The following SGCZ variants were observed in gnomAD, a reference collection of about 807,000 sequenced individuals.
The protein encoded by SGCZ is sarcoglycan zeta, also known as zeta-sarcoglycan.
In SGCZ, 40 loss-of-function variants were observed where a neutral mutation model predicts 41.3. The observed-to-expected ratio is 0.97, with a 90% CI of 0.75 to 1.26. SGCZ has a LOEUF of 1.26. SGCZ is among the 50% of genes most tolerant of loss of function. The pLI is 0.00. For synonymous variants in SGCZ, 206 were observed against 137.5 expected, an observed-to-expected ratio of 1.50 and a Z score of -3.49; for missense variants, 552 against 369.8, an observed-to-expected ratio of 1.49 and a Z score of -4.04.
intron 4 of SGCZ, among the ~76,000 whole-genome samples, chr8:14,186,221 T>C (rs905166948): frequency 6.6e-6 from 1 of 152,168 alleles, no homozygotes; most frequent in African/African-American, 2.4e-5. Flanking sequence ...AAAACAACAA[T>C]TTAATGTTTC....
At chr8:14,978,022 C>T (rs1002999958) in intron 1 of SGCZ, among the ~76,000 whole-genome samples, 14 of 151,962 alleles carry the variant, frequency 9.2e-5, no homozygotes, top group African/African-American at 2.9e-4. Flanking sequence ...CTTTTGTCCT[C>T]TGTTGACCTC....
intron 1 of SGCZ, among the ~76,000 whole-genome samples, chr8:14,659,004 G>A (rs545631865): frequency 6.6e-6 from 1 of 151,940 alleles, no homozygotes; most frequent in Non-Finnish European, 1.5e-5. Context: ...TAAAGTTACT[G>A]TTAAGTACCC....
intron 1 of SGCZ, among the ~76,000 whole-genome samples, chr8:14,601,770 T>G (rs1379766006): frequency 6.6e-6 from 1 of 152,244 alleles, no homozygotes; most frequent in African/African-American, 2.4e-5. Flanking sequence ...ATTTCTTTTT[T>G]GTTCCAAGTT....
chr8:14,393,753 C>T (rs941661727), intron 2 of SGCZ, among the ~76,000 whole-genome samples: 1 of 152,142 alleles, frequency 6.6e-6, no homozygotes, highest in Admixed American at 6.6e-5. Flanking sequence ...AGGGTATACA[C>T]CCTAGACAAC....
intron 2 of SGCZ, among the ~76,000 whole-genome samples, chr8:14,341,017 A>G (rs1319991522): frequency 2.0e-5 from 3 of 152,192 alleles, no homozygotes; most frequent in South Asian, 4.1e-4. Flanking sequence ...AGCCTCAAGT[A>G]AGTGTAATCA....
intron 1 of SGCZ, among the ~76,000 whole-genome samples, chr8:14,637,370 A>T (rs991617585): frequency 6.6e-6 from 1 of 151,348 alleles, no homozygotes; most frequent in Non-Finnish European, 1.5e-5. Context: ...GGTTTGTTAC[A>T]CGAGTAAATT....
intron 2 of SGCZ, among the ~76,000 whole-genome samples, chr8:14,540,310 C>CTTTTT (rs1222567099): frequency 1.7e-5 from 2 of 116,920 alleles, no homozygotes; most frequent in African/African-American, 6.7e-5. Context: ...TGGTGTTGAC[C>CTTTTT]TTTTTTTCAT....
At chr8:15,064,081 C>T (rs1012520353) in intron 1 of SGCZ, among the ~76,000 whole-genome samples, 1 of 152,254 alleles carries the variant, frequency 6.6e-6, no homozygotes, top group East Asian at 1.9e-4. Context: ...TGCTAGTGTT[C>T]CGCAAATGTT....
intron 2 of SGCZ, among the ~76,000 whole-genome samples, chr8:14,478,449 T>G (rs1801425582): frequency 6.6e-6 from 1 of 152,196 alleles, no homozygotes; most frequent in African/African-American, 2.4e-5. Context: ...ACATACTGTA[T>G]GATTCCAACT....
chr8:14,444,174 G>A (rs1181931552), intron 2 of SGCZ, among the ~76,000 whole-genome samples: 1 of 152,138 alleles, frequency 6.6e-6, no homozygotes, highest in Non-Finnish European at 1.5e-5. Flanking sequence ...AGGTGCTGGA[G>A]AGGTTGTGGA....
At position 14,138,524 on chromosome 8, in the gene SGCZ, AAGG is replaced by A. The variant is rs777866173; in HGVS notation, c.547+26053_547+26055del. ...AGCAAAGGGAAAACAAAAAAAAAAA[AAGG>A]GGGGGTTGCATTTCTAGTCTCTGAT... On this transcript the variant is annotated intron_variant, in intron 5 of 7. Transcript: ENST00000382080. Among the ~76,000 whole-genome samples, 105 of 117,654 alleles carry A rather than the reference AAGG, an allele frequency of 8.9e-4. 1 individual carries two copies. The highest frequency in any genetic ancestry group is 4.4e-3 in the East Asian group (10 of 2,292). 77.2% of individuals were successfully genotyped at this position (117,654 alleles called of 152,430 possible). A position where few individuals can be genotyped will look rare whatever the true frequency, so the allele number is the denominator to read the frequency against.
At chr8:14,830,463 TTCTC>T (rs537320484) in intron 1 of SGCZ, among the ~76,000 whole-genome samples, 7 of 152,306 alleles carry the variant, frequency 4.6e-5, no homozygotes, top group East Asian at 1.9e-4. Context: ...TCCTCTTTCT[TTCTC>T]TCTCTTTTGC....
intron 3 of SGCZ, among the ~76,000 whole-genome samples, chr8:14,300,943 T>C (rs1277970815): frequency 6.6e-6 from 1 of 151,700 alleles, no homozygotes; most frequent in Non-Finnish European, 1.5e-5. Context: ...AAGAAGGAGG[T>C]AGAGTGAAGA....
At chr8:14,657,975 A>T (rs2117474216) in intron 1 of SGCZ, among the ~76,000 whole-genome samples, 1 of 152,340 alleles carries the variant, frequency 6.6e-6, no homozygotes, top group East Asian at 1.9e-4. Flanking sequence ...CACAAAGCCA[A>T]TGTCCCTGAA....
chr8:14,915,169 G>C (rs1261047014), intron 1 of SGCZ, among the ~76,000 whole-genome samples: 3 of 151,898 alleles, frequency 2.0e-5, no homozygotes, highest in African/African-American at 7.3e-5. Flanking sequence ...TATAATGTTG[G>C]CATGCATTTA....
At chr8:14,871,596 G>A (rs548025742) in intron 1 of SGCZ, among the ~76,000 whole-genome samples, 57 of 152,068 alleles carry the variant, frequency 3.7e-4, no homozygotes, top group Admixed American at 3.4e-3. Flanking sequence ...ATGATGTCAA[G>A]AAATCGAGAC....
intron 1 of SGCZ, among the ~76,000 whole-genome samples, chr8:14,839,198 A>C (rs181915696): frequency 3.3e-5 from 5 of 152,246 alleles, no homozygotes; most frequent in Admixed American, 3.3e-4. Context: ...ATATATTTTG[A>C]AAGTAGAGAT....
chr8:14,708,034 T>C (rs1452530809), intron 1 of SGCZ, among the ~76,000 whole-genome samples: 2 of 152,026 alleles, frequency 1.3e-5, no homozygotes, highest in South Asian at 2.1e-4. Context: ...CAAAATAATA[T>C]TTGTTATATT....
chr8:15,194,697 G>A (rs1408405163), intron 1 of SGCZ, among the ~76,000 whole-genome samples: 1 of 152,158 alleles, frequency 6.6e-6, no homozygotes, highest in East Asian at 1.9e-4. Context: ...TGGCTTTGAA[G>A]ATGGAGGAGG....
Sources: gnomAD v4.1 joint callset for allele counts (sites outside exome capture counted in the v4.1 genomes callset) on GRCh38, gnomAD v4.1.1 for gene constraint, MANE v1.5 for transcripts, NCBI Gene and HGNC (gene_info 2026-07-23, HGNC 2026-07-21) for gene names.